UBTD2: variants seen among roughly 807,000 people sequenced by gnomAD.
UBTD2 encodes ubiquitin domain-containing protein 2.
A neutral mutation model predicts 19.8 loss-of-function variants in UBTD2; 9 were observed. The observed-to-expected ratio is 0.46, with a 90% CI of 0.27 to 0.79. The LOEUF is 0.79. Among genes scored for constraint, UBTD2 ranks in the 30% least tolerant of loss-of-function variants. The probability of loss-of-function intolerance (pLI) is 0.14; values close to 1 mark genes in which losing one functional copy is unlikely to be tolerated. For missense variants in UBTD2, 250 were observed against 300.4 expected (o/e 0.83, Z 1.24); for synonymous variants, 98 against 103.9 (o/e 0.94, Z 0.35).
intron 2 of UBTD2, among the ~76,000 whole-genome samples, chr5:172,218,255 G>A (rs1216690707): frequency 6.6e-6 from 1 of 152,064 alleles, no homozygotes; most frequent in Non-Finnish European, 1.5e-5. Flanking sequence ...AAGAAATCAA[G>A]AGAAATTAAA....
chr5:172,213,147 C>A (rs1197513586), intron 2 of UBTD2, among the ~76,000 whole-genome samples: 2 of 151,162 alleles, frequency 1.3e-5, no homozygotes, highest in African/African-American at 4.9e-5. Context: ...CACACCACCA[C>A]GCCTGGGTGA....
intron 2 of UBTD2, 34 bp from the exon 3 acceptor site, chr5:172,212,261 T>C (rs958764932): frequency 2.6e-6 from 4 of 1,545,276 alleles, no homozygotes; most frequent in Non-Finnish European, 2.6e-6. Flanking sequence ...AAGAACTTAA[T>C]CCTTAATGAA....
rs777660071 is a variant in UBTD2, at chr5:172,272,007, CAAAT to C, written c.70+11585_70+11588del. On this transcript the variant is annotated intron_variant, in intron 1 of 2. Transcript: ENST00000393792. Reference sequence around the variant, plus strand: ...GTAAATATAATTATGACCTCACACTCAAATAAAATTCATTTAGAATGATTTTCAC... The same window carrying C: ...GTAAATATAATTATGACCTCACACTCAAAATTCATTTAGAATGATTTTCAC... 1.0e-3 allele frequency among the ~76,000 whole-genome samples: 157 copies of C among 152,290 alleles called. 1 individual carries two copies. The highest frequency in any genetic ancestry group is 2.3e-3 in the South Asian group (11 of 4,828).
chr5:172,278,314 T>TG (rs928804339), intron 1 of UBTD2, among the ~76,000 whole-genome samples: 10 of 152,062 alleles, frequency 6.6e-5, no homozygotes, highest in South Asian at 6.2e-4. Flanking sequence ...GGGCAGGAGT[T>TG]GGAGACCAGC....
intron 1 of UBTD2, among the ~76,000 whole-genome samples, chr5:172,269,308 G>A (rs987779912): frequency 1.1e-4 from 17 of 151,642 alleles, no homozygotes; most frequent in African/African-American, 3.9e-4. Context: ...TGGCTGACAC[G>A]GTGAAACCCC....
intron 2 of UBTD2, among the ~76,000 whole-genome samples, chr5:172,223,953 C>G (rs1233086245): frequency 2.0e-5 from 3 of 152,022 alleles, no homozygotes; most frequent in African/African-American, 4.8e-5. Flanking sequence ...CCAGTGGAGC[C>G]CAACAACATA....
chr5:172,219,455 C>T (rs971058411), intron 2 of UBTD2, among the ~76,000 whole-genome samples: 2 of 152,176 alleles, frequency 1.3e-5, no homozygotes, highest in African/African-American at 2.4e-5. Flanking sequence ...CATGAATCAA[C>T]CTTTTGTCCG....
At chr5:172,213,433 C>A (rs1771486686) in intron 2 of UBTD2, among the ~76,000 whole-genome samples, 1 of 152,050 alleles carries the variant, frequency 6.6e-6, no homozygotes, top group African/African-American at 2.4e-5. Context: ...ACAGAAATGA[C>A]TGAGGTGTTT....
intron 1 of UBTD2, chr5:172,252,188 G>A (rs1346279929): frequency 6.6e-6 from 1 of 152,190 alleles, no homozygotes; most frequent in African/African-American, 2.4e-5. Context: ...TTGAATAAAT[G>A]TTTAACATGG....
intron 1 of UBTD2, among the ~76,000 whole-genome samples, chr5:172,251,108 A>G (rs2094572746): frequency 6.6e-6 from 1 of 151,628 alleles, no homozygotes; most frequent in Non-Finnish European, 1.5e-5. Context: ...AGGTCAGGAA[A>G]TCGAGCTCAT....
At chr5:172,218,798 T>TA (rs58608463) in intron 2 of UBTD2, among the ~76,000 whole-genome samples, 49 of 121,498 alleles carry the variant, frequency 4.0e-4, no homozygotes, top group Middle Eastern at 4.2e-3. Flanking sequence ...AATAAAAAAA[T>TA]AAAAAAAAAA....
intron 1 of UBTD2, among the ~76,000 whole-genome samples, chr5:172,259,952 C>G (rs563212083): frequency 1.8e-4 from 28 of 152,156 alleles, no homozygotes; most frequent in African/African-American, 6.5e-4. Context: ...ACTCGGGAGG[C>G]TGAGGCAGGA....
chr5:172,216,036 C>T (rs745417160), intron 2 of UBTD2, among the ~76,000 whole-genome samples: 13 of 152,082 alleles, frequency 8.5e-5, no homozygotes, highest in East Asian at 1.9e-4. Flanking sequence ...TGGTGGCAGG[C>T]GCTTGTAATA....
chr5:172,226,721 A>C (rs1301309826), intron 2 of UBTD2, among the ~76,000 whole-genome samples: 1 of 152,220 alleles, frequency 6.6e-6, no homozygotes, highest in Non-Finnish European at 1.5e-5. Context: ...AGGATTGTAG[A>C]GATGCTAACA....
chr5:172,262,954 T>G (rs1755302490), intron 1 of UBTD2, among the ~76,000 whole-genome samples: 1 of 152,204 alleles, frequency 6.6e-6, no homozygotes, highest in African/African-American at 2.4e-5. Context: ...GTTTTATTTT[T>G]TGAGACAGGG....
chr5:172,257,191 G>C (rs1474979562), intron 1 of UBTD2, among the ~76,000 whole-genome samples: 1 of 152,154 alleles, frequency 6.6e-6, no homozygotes. Flanking sequence ...TTGCGTTTAC[G>C]TGTACTCAAT....
chr5:172,280,509 C>CAAAAA (rs376156166), intron 1 of UBTD2, among the ~76,000 whole-genome samples: 3 of 95,000 alleles, frequency 3.2e-5, no homozygotes, highest in Non-Finnish European at 4.1e-5. Context: ...GACTCCATCT[C>CAAAAA]AAAAAAAAAA....
chr5:172,211,845 T>C lies in UBTD2; in HGVS notation c.690A>G (p.Thr230=), dbSNP rs1771453559. 3 of 1,610,286 alleles carry C rather than the reference T, an allele frequency of 1.9e-6. No individual in the cohort carries two copies. The highest frequency in any genetic ancestry group is 2.5e-6 in the Non-Finnish European group (3 of 1,177,234). Residue 230 remains threonine (T), a synonymous_variant, in exon 3 of 3, where the codon ACA becomes ACG. Coordinates refer to ENST00000393792, the MANE Select transcript of UBTD2 (RefSeq NM_152277.3). The stretch of plus-strand genomic sequence containing the variant: ...AGGGCTCAGTTCAGTTCTCCACTGG[T>C]GTTGGGTTCTGCACAGGTTGGCTCA... The part of the protein sequence containing the change: ...VIVSQPVQNP[T]PVEN
In UBTD2 at chr5:172,283,760, C is replaced by G; in HGVS notation, c.-95G>C. On this transcript the variant is annotated 5_prime_UTR_variant, in exon 1 of 3. Coordinates refer to ENST00000393792, the MANE Select transcript of UBTD2 (RefSeq NM_152277.3). This position sits in a 1 kb window ranked among gnomAD's most constrained non-coding sequence, Gnocchi z 4.3. ...CTCCTCCGGCGCCACCGCCGAGCTC[C>G]GGACAGGCGCGCCGCTCCGCTCGCC... 1.1e-6 allele frequency: 1 copy of G among 876,746 alleles called. No homozygotes were observed. The highest frequency in any genetic ancestry group is 5.3e-5 in the South Asian group (1 of 18,772). The allele number at this position is 876,746 out of a possible 1,614,324, so 54.3% of individuals were successfully genotyped here. A position where few individuals can be genotyped will look rare whatever the true frequency, so the allele number is the denominator to read the frequency against.
Sources: allele counts gnomAD v4.1 joint callset (sites outside exome capture counted in the v4.1 genomes callset), GRCh38; gene constraint gnomAD v4.1.1; non-coding constraint Gnocchi (gnomAD v3.1); transcripts MANE v1.5; gene names NCBI Gene and HGNC (gene_info 2026-07-23, HGNC 2026-07-21).